Variants in ZC3H13 observed in about 807,000 individuals in gnomAD.
The protein encoded by ZC3H13 is zinc finger CCCH-type containing 13.
A neutral mutation model predicts 204.1 loss-of-function variants in ZC3H13; 64 were observed. The observed-to-expected ratio is 0.31, with a 90% CI of 0.26 to 0.39. The LOEUF (loss-of-function observed/expected upper bound fraction) is 0.39, where lower values mean the gene tolerates loss of function less well. ZC3H13 is among the 10% of genes least tolerant of loss of function. ZC3H13 has a pLI of 1.00. For synonymous variants in ZC3H13, 667 were observed against 693.7 expected (o/e 0.96, Z 0.60); for missense variants, 1,833 against 2,082.7 (o/e 0.88, Z 2.33).
At chr13:45,976,069 GT>G in intron 11 of ZC3H13, 2 of 822,984 alleles carry the variant, frequency 2.4e-6, no homozygotes, top group Non-Finnish European at 2.9e-6. Flanking sequence ...CCTGCTCCCC[GT>G]CAACCCCCTT....
At chr13:45,976,121 C>T in intron 11 of ZC3H13, 1 of 959,718 alleles carries the variant, frequency 1.0e-6, no homozygotes. Flanking sequence ...TCTCTGCATG[C>T]TCCCTACCCT....
In ZC3H13 at chr13:45,985,719, T is replaced by A; in HGVS notation, c.1298A>T (p.Glu433Val). 6.2e-7 allele frequency: 1 copy of A among 1,613,464 alleles called. No individual in the cohort carries two copies. The change falls in exon 10 of 19, where the codon GAA becomes GTA. Residue 433 changes from glutamate to valine, a missense_variant. Physicochemically the swap from Glu to Val is moderately radical, Grantham distance 121. Around this residue, in one of 5 missense-constraint regions of ZC3H13, gnomAD observed 1,574 missense variants for 1,757.2 expected, o/e 0.90. Transcript: ENST00000679008. ...KRDREKDSRE[E>V]REYEQDQSSS... ...GCTCTGATCCTGTTCATATTCTCGT[T>A]CTTCTCTTGAGTCCTTTTCTCTGTC... is the stretch of plus-strand genomic sequence containing the variant.
intron 4 of ZC3H13, among the ~76,000 whole-genome samples, chr13:46,030,692 A>G (rs1481551545): frequency 6.6e-6 from 1 of 152,212 alleles, no homozygotes; most frequent in Admixed American, 6.5e-5. Context: ...AAATTAAAAC[A>G]ATACCATTTT....
chr13:46,016,978 G>A (rs533023091), intron 5 of ZC3H13, among the ~76,000 whole-genome samples: 10 of 152,160 alleles, frequency 6.6e-5, no homozygotes, highest in African/African-American at 1.7e-4. Context: ...GGAAAGAAGT[G>A]TCAGTGATGA....
intron 16 of ZC3H13, among the ~76,000 whole-genome samples, chr13:45,964,593 T>C (rs927097087): frequency 2.0e-5 from 3 of 152,014 alleles, no homozygotes; most frequent in Admixed American, 2.0e-4. Context: ...AAGATAACAA[T>C]CATACATACC....
At chr13:45,995,115 C>CTT (rs1413730536) in intron 8 of ZC3H13, among the ~76,000 whole-genome samples, 17 of 151,840 alleles carry the variant, frequency 1.1e-4, no homozygotes, top group African/African-American at 4.1e-4. Context: ...GTCATTATAA[C>CTT]ACAGCCCTAC....
rs1483354397 is a variant in ZC3H13 at position 46,042,205 on chromosome 13, G to C, written c.298C>G (p.Pro100Ala). The C allele has an allele frequency of 3.1e-6, 5 of 1,613,360 alleles. No individual in the cohort carries two copies. In the East Asian group the frequency reaches 1.1e-4, roughly 36 times the overall value. The change falls in exon 4 of 19, where the codon CCC (proline) becomes GCC (alanine). Residue 100 changes from proline to alanine, a missense_variant. Pro to Ala is a conservative substitution (Grantham distance 27). Transcript: ENST00000679008. ...KNKRQDVDTE[P>A]QKRNTEESSS... is the part of the protein sequence containing the mutation. ...GACTCCTCTGTATTTCGTTTCTGGGGCTCAGTGTCCACGTCTTGGCGCTTG... is the reference window on the plus strand; with the variant it reads ...GACTCCTCTGTATTTCGTTTCTGGGCCTCAGTGTCCACGTCTTGGCGCTTG...
Position 45,969,013 on chromosome 13 carries a change from A to C in ZC3H13, c.3531T>G (p.Asp1177Glu). The C allele has an allele frequency of 6.2e-7, 1 of 1,614,170 alleles. No homozygotes were observed. ...GATCCATAGGCTTGCGATGCTGTGC[A>C]TCTTCTATAGTCACGTGAGGCGTCT... is the stretch of plus-strand genomic sequence containing the variant. ...KVETPHVTIE[D>E]AQHRKPMDQK... The change falls in exon 14 of 19, where the codon GAT (aspartate) becomes GAG (glutamate). Residue 1177 changes from aspartate to glutamate, a missense_variant. Coordinates refer to ENST00000679008, the MANE Select transcript of ZC3H13 (RefSeq NM_001330564.2).
At position 45,985,459 on chromosome 13, in the gene ZC3H13, C is replaced by T; in HGVS notation, c.1558G>A (p.Asp520Asn). 1 of 1,614,202 alleles carries T rather than the reference C, an allele frequency of 6.2e-7. No homozygotes were observed. Residue 520 changes from aspartate to asparagine, a missense_variant, in exon 10 of 19, where the codon GAT becomes AAT. Coordinates refer to ENST00000679008, the MANE Select transcript of ZC3H13 (RefSeq NM_001330564.2). ...CTCCGGGATTCTTCTGGATATGTAT[C>T]CTCCTTTCGATGAGTATCTCGACCT... ...REGRDTHRKE[D>N]TYPEESRSYG...
chr13:45,968,367 C>A (rs984169222), intron 14 of ZC3H13, among the ~76,000 whole-genome samples: 4 of 151,896 alleles, frequency 2.6e-5, no homozygotes, highest in Non-Finnish European at 5.9e-5. Flanking sequence ...CTAATCACTC[C>A]ATTATTTGAT....
chr13:46,008,985 C>A (rs543929050), intron 7 of ZC3H13, among the ~76,000 whole-genome samples: 1 of 152,170 alleles, frequency 6.6e-6, no homozygotes, highest in East Asian at 1.9e-4. Flanking sequence ...CTATGAATAA[C>A]CAAGATCCCA....
At chr13:45,967,247 T>C (rs1432333062) in intron 15 of ZC3H13, among the ~76,000 whole-genome samples, 1 of 152,200 alleles carries the variant, frequency 6.6e-6, no homozygotes, top group Non-Finnish European at 1.5e-5. Context: ...ACACTGCATC[T>C]AAACAATCTT....
At chr13:45,964,857 T>C (rs1951959657) in intron 16 of ZC3H13, among the ~76,000 whole-genome samples, 1 of 152,178 alleles carries the variant, frequency 6.6e-6, no homozygotes, top group Non-Finnish European at 1.5e-5. Context: ...GATAGAGGTA[T>C]ATAGTGTTCA....
At chr13:46,019,181 C>A (rs1244514382) in intron 5 of ZC3H13, among the ~76,000 whole-genome samples, 1 of 152,132 alleles carries the variant, frequency 6.6e-6, no homozygotes, top group East Asian at 1.9e-4. Context: ...CAATACTTTA[C>A]AACTGTTAGT....
chr13:45,990,970 C>T (rs1191170673), intron 8 of ZC3H13, among the ~76,000 whole-genome samples: 1 of 152,098 alleles, frequency 6.6e-6, no homozygotes, highest in Admixed American at 6.5e-5. Context: ...CACTCAGCTA[C>T]TTTGTTTTAT....
intron 7 of ZC3H13, among the ~76,000 whole-genome samples, chr13:46,009,598 T>C (rs1344279233): frequency 6.9e-6 from 1 of 144,260 alleles, no homozygotes; most frequent in Non-Finnish European, 1.6e-5. Flanking sequence ...GTAGAAGATA[T>C]TTTTAGTTCA....
At chr13:46,008,036 A>C (rs1454531251) in intron 7 of ZC3H13, among the ~76,000 whole-genome samples, 1 of 152,188 alleles carries the variant, frequency 6.6e-6, no homozygotes, top group Non-Finnish European at 1.5e-5. Flanking sequence ...TCAAACAAAG[A>C]AAAATGCCAG....
chr13:46,003,415 G>A (rs2040894092), intron 7 of ZC3H13, 79 bp from the exon 8 acceptor site: 2 of 1,358,516 alleles, frequency 1.5e-6, no homozygotes, highest in Non-Finnish European at 2.0e-6. Flanking sequence ...AAAAACAGCA[G>A]CGTTCCTTTA....
chr13:45,991,572 C>T (rs957571511), intron 8 of ZC3H13, among the ~76,000 whole-genome samples: 2 of 152,162 alleles, frequency 1.3e-5, no homozygotes, highest in Non-Finnish European at 2.9e-5. Flanking sequence ...AAGTACATTT[C>T]CACTTAGAAT....
Sources: gnomAD v4.1 joint callset for allele counts (sites outside exome capture counted in the v4.1 genomes callset) on GRCh38, gnomAD v4.1.1 for gene constraint, gnomAD v4.1.1 regional missense constraint, MANE v1.5 for transcripts, NCBI Gene and HGNC (gene_info 2026-07-23, HGNC 2026-07-21) for gene names.